Variants in TRPM1 observed in about 807,000 individuals in gnomAD.
The protein encoded by TRPM1 is TRPM1-203 APA Isoform, Intron 10.
A neutral mutation model predicts 149.4 loss-of-function variants in TRPM1; 113 were observed. The ratio of observed to expected loss-of-function variants is 0.76; its 90% confidence interval spans 0.65 to 0.88. TRPM1 has a LOEUF of 0.88. Among genes scored for constraint, TRPM1 ranks in the 40% least tolerant of loss-of-function variants. The pLI is 0.00. For synonymous variants in TRPM1, 741 were observed against 759.5 expected (o/e 0.98, Z 0.40); for missense variants, 1,976 against 2,038.7 (o/e 0.97, Z 0.59).
intron 1 of TRPM1, among the ~76,000 whole-genome samples, chr15:31,101,162 C>A (rs533409696): frequency 1.3e-5 from 2 of 152,316 alleles, no homozygotes; most frequent in South Asian, 2.1e-4. Context: ...AAGGAAGGTG[C>A]ACCTTTTCCC....
intron 27 of TRPM1, among the ~76,000 whole-genome samples, chr15:31,006,826 G>A (rs1239257624): frequency 6.6e-6 from 1 of 152,084 alleles, no homozygotes; most frequent in African/African-American, 2.4e-5. Context: ...TATTCGGTGT[G>A]TAGATATATC....
At position 31,094,438 on chromosome 15, in the gene TRPM1, G is replaced by A. The variant is rs573679274; in HGVS notation, c.-84+7219C>T. Reference sequence around the variant, plus strand: ...AAAGGAAAAAAACCCACAACCTATAGAATGGAATACGATATTTGCAAATCA... The same window carrying A: ...AAAGGAAAAAAACCCACAACCTATAAAATGGAATACGATATTTGCAAATCA... On this transcript the variant is annotated intron_variant, in intron 1 of 27. Coordinates refer to ENST00000256552, the MANE Select transcript of TRPM1 (RefSeq NM_001252024.2). Among the ~76,000 whole-genome samples, 183 of 152,224 alleles carry A rather than the reference G, an allele frequency of 1.2e-3. 1 individual carries two copies. The highest frequency in any genetic ancestry group is 4.3e-3 in the African/African-American group (178 of 41,538).
chr15:31,005,452 C>G (rs2031954330), intron 27 of TRPM1, among the ~76,000 whole-genome samples: 4 of 152,098 alleles, frequency 2.6e-5, no homozygotes, highest in Admixed American at 1.3e-4. Context: ...TCCCTCCCCT[C>G]ACTTCTCTCC....
intron 1 of TRPM1, among the ~76,000 whole-genome samples, chr15:31,119,335 G>T (rs980736013): frequency 1.3e-5 from 2 of 151,954 alleles, no homozygotes; most frequent in African/African-American, 4.8e-5. Context: ...AACCATTAAG[G>T]CAAGAAGAAA....
At chr15:31,076,382 GTTAAA>G (rs1358601843) in intron 3 of TRPM1, among the ~76,000 whole-genome samples, 1 of 152,128 alleles carries the variant, frequency 6.6e-6, no homozygotes, top group Non-Finnish European at 1.5e-5. Flanking sequence ...AGACATTTTA[GTTAAA>G]TTAATCTCTA....
intron 23 of TRPM1, among the ~76,000 whole-genome samples, chr15:31,030,333 T>C (rs2033008622): frequency 6.7e-6 from 1 of 149,806 alleles, no homozygotes; most frequent in Non-Finnish European, 1.5e-5. Context: ...CCTCCTTCAC[T>C]GGTGGAACAT....
At chr15:31,041,644 TTA>T (rs1281140712) in intron 17 of TRPM1, among the ~76,000 whole-genome samples, 1 of 152,200 alleles carries the variant, frequency 6.6e-6, no homozygotes, top group East Asian at 1.9e-4. Flanking sequence ...GTATTCCTTG[TTA>T]GTGTGTGTTT....
chr15:31,113,329 G>T (rs150474967), intron 1 of TRPM1, among the ~76,000 whole-genome samples: 2 of 152,226 alleles, frequency 1.3e-5, no homozygotes, highest in East Asian at 3.9e-4. Flanking sequence ...GCCCCTGACT[G>T]GGAAAGACTT....
At chr15:31,028,182 G>A (rs1339858079) in intron 25 of TRPM1, 150 bp downstream of exon 25, 2 of 887,992 alleles carry the variant, frequency 2.3e-6, no homozygotes, top group Non-Finnish European at 3.6e-6. Flanking sequence ...GATTAAGTTT[G>A]AACAAAGAGA....
At chr15:31,099,446 A>G (rs2035466670) in intron 1 of TRPM1, among the ~76,000 whole-genome samples, 1 of 152,092 alleles carries the variant, frequency 6.6e-6, no homozygotes. Context: ...TCTTCCAAAC[A>G]TTGTCAATCA....
chr15:31,113,167 A>G (rs1444971369), intron 1 of TRPM1, among the ~76,000 whole-genome samples: 2 of 151,656 alleles, frequency 1.3e-5, no homozygotes, highest in Non-Finnish European at 2.9e-5. Flanking sequence ...CCCCTTCAAA[A>G]CTCACCACGG....
chr15:31,061,738 G>T (rs2140954748), intron 9 of TRPM1, among the ~76,000 whole-genome samples: 1 of 150,900 alleles, frequency 6.6e-6, no homozygotes, highest in South Asian at 2.1e-4. Context: ...AGGCTGGAGT[G>T]CAATGGCGCT....
At chr15:31,101,930 G>T (rs772638319), upstream of TRPM1, among the ~76,000 whole-genome samples, 5 of 152,264 alleles carry the variant, frequency 3.3e-5, no homozygotes, top group Admixed American at 6.5e-5. Flanking sequence ...AGAGAGGTAG[G>T]GGAGCTAGAG....
chr15:31,055,255 T>C (rs2034051664), intron 11 of TRPM1, among the ~76,000 whole-genome samples: 1 of 152,168 alleles, frequency 6.6e-6, no homozygotes, highest in Non-Finnish European at 1.5e-5. Flanking sequence ...AGCCTGAGCA[T>C]GTGTTTCCTG....
chr15:31,144,856 C>T (rs538135590), intron 1 of TRPM1, among the ~76,000 whole-genome samples: 31 of 151,954 alleles, frequency 2.0e-4, no homozygotes, highest in African/African-American at 7.0e-4. Context: ...GCTGGGATTA[C>T]AGGTGACTTC....
intron 3 of TRPM1, 109 bp from the exon 4 acceptor site, chr15:31,070,335 A>G (rs1396188555): frequency 9.5e-7 from 1 of 1,056,368 alleles, no homozygotes; most frequent in East Asian, 2.4e-5. Context: ...ACAGGAGCCT[A>G]CTAACACTTC....
chr15:31,035,486 G>C, intron 21 of TRPM1, 60 bp downstream of exon 21: 1 of 1,611,240 alleles, frequency 6.2e-7, no homozygotes, highest in Non-Finnish European at 8.5e-7. Flanking sequence ...TCAGTAAGGA[G>C]CCATATCTGC....
chr15:31,031,469 G>C lies in TRPM1; in HGVS notation c.2953-312C>G, dbSNP rs9806389. ...TGCAAATGGAGAAAGGGAAGAATTA[G>C]AAGAAAAGATGGGAGTTTGTAAGGG... On this transcript the variant is annotated intron_variant, in intron 22 of 27. Coordinates refer to ENST00000256552, the MANE Select transcript of TRPM1 (RefSeq NM_001252024.2). 0.2 allele frequency: 91,458 copies of C among 460,220 alleles called. 12,073 individuals are homozygous for C. Among genetic ancestry groups the C allele is most frequent in the African/African-American group, 0.48 (24,748 of 51,322 alleles). The allele number at this position is 460,220 out of a possible 1,614,324, so 28.5% of individuals were successfully genotyped here.
intron 1 of TRPM1, 128 bp from the exon 2 acceptor site, chr15:31,081,566 C>A: frequency 3.2e-6 from 2 of 634,450 alleles, no homozygotes; most frequent in Non-Finnish European, 5.5e-6. Flanking sequence ...CACCAGGGCT[C>A]CCTGACTCCC....
Sources: allele counts gnomAD v4.1 joint callset (sites outside exome capture counted in the v4.1 genomes callset), GRCh38; gene constraint gnomAD v4.1.1; transcripts MANE v1.5; gene names NCBI Gene and HGNC (gene_info 2026-07-23, HGNC 2026-07-21).